PDE4D: variants seen among roughly 807,000 people sequenced by gnomAD.
The protein encoded by PDE4D is 3',5'-cyclic-AMP phosphodiesterase 4D.
PDE4D carries 24 observed loss-of-function variants against 87.4 expected under a neutral mutation model. That is an observed-to-expected ratio of 0.27 (90% confidence interval 0.20 to 0.39). The LOEUF (loss-of-function observed/expected upper bound fraction) is 0.39, where lower values mean the gene tolerates loss of function less well. Ranked by LOEUF, PDE4D falls within the 10% of genes least tolerant of loss-of-function variation. The pLI, the probability that PDE4D is intolerant of heterozygous loss-of-function variation, is 1.00. For missense variants in PDE4D, 714 were observed against 1,041.0 expected, an observed-to-expected ratio of 0.69 and a Z score of 4.32; for synonymous variants, 384 against 383.2, an observed-to-expected ratio of 1.00 and a Z score of -0.02.
At chr5:59,579,994 G>C (rs1361834464) in intron 1 of PDE4D, among the ~76,000 whole-genome samples, 1 of 152,156 alleles carries the variant, frequency 6.6e-6, no homozygotes, top group Non-Finnish European at 1.5e-5. Context: ...ACATTAAAAG[G>C]AAGAGTTTCT....
At chr5:59,259,953 A>C (rs549629166) in intron 1 of PDE4D, among the ~76,000 whole-genome samples, 1 of 151,978 alleles carries the variant, frequency 6.6e-6, no homozygotes, top group East Asian at 1.9e-4. Context: ...TTATGACCAA[A>C]CAAGTTTCCA....
At chr5:60,469,312 C>G (rs1747640363) in intron 1 of PDE4D, among the ~76,000 whole-genome samples, 1 of 152,152 alleles carries the variant, frequency 6.6e-6, no homozygotes, top group Non-Finnish European at 1.5e-5. Flanking sequence ...TCTCCTACCT[C>G]TCTGACTGCT....
intron 3 of PDE4D, among the ~76,000 whole-genome samples, chr5:59,957,079 A>G (rs942586337): frequency 6.6e-5 from 10 of 152,312 alleles, no homozygotes; most frequent in Non-Finnish European, 1.5e-4. Flanking sequence ...TTCTTTTGCT[A>G]AAAATAACAA....
Position 59,734,410 on chromosome 5 carries a change from C to A in PDE4D, c.455+158758G>T, listed in dbSNP as rs78519504. On this transcript the variant is annotated intron_variant, in intron 1 of 14. Coordinates refer to ENST00000340635, the MANE Select transcript of PDE4D (RefSeq NM_001104631.2). Reference sequence around the variant, plus strand: ...TTATTCTATTTGTCCTAAGAATTTACAATAGAATGAAGTTCCTTCAAGTAA... The same window carrying A: ...TTATTCTATTTGTCCTAAGAATTTAAAATAGAATGAAGTTCCTTCAAGTAA... Among the ~76,000 whole-genome samples the A allele has an allele frequency of 4.8e-4, 73 of 152,210 alleles. 2 individuals carry two copies. The East Asian group carries it at 6.4e-3, about 13-fold the overall frequency.
intron 1 of PDE4D, among the ~76,000 whole-genome samples, chr5:59,540,981 C>A (rs1400556135): frequency 2.0e-5 from 3 of 152,024 alleles, no homozygotes; most frequent in African/African-American, 7.2e-5. Context: ...GAAAGAAGAC[C>A]TTAGGAAGGT....
intron 1 of PDE4D, among the ~76,000 whole-genome samples, chr5:59,843,921 G>A (rs557659576): frequency 3.7e-4 from 56 of 152,168 alleles, no homozygotes; most frequent in Non-Finnish European, 5.7e-4. Context: ...TTGAGGTAGA[G>A]GGAGGTTAAT....
chr5:59,095,393 T>C (rs1457750050), intron 5 of PDE4D, among the ~76,000 whole-genome samples: 1 of 151,922 alleles, frequency 6.6e-6, no homozygotes, highest in Non-Finnish European at 1.5e-5. Flanking sequence ...GGTATTATAG[T>C]ATTCTTTTAC....
chr5:60,137,118 T>C (rs1332484594), intron 2 of PDE4D, among the ~76,000 whole-genome samples: 5 of 152,220 alleles, frequency 3.3e-5, no homozygotes, highest in African/African-American at 2.4e-5. Context: ...GCCCTATCTA[T>C]GTTCCCACAA....
At chr5:60,377,167 A>T (rs540171015) in intron 1 of PDE4D, among the ~76,000 whole-genome samples, 6 of 152,304 alleles carry the variant, frequency 3.9e-5, no homozygotes, top group African/African-American at 7.2e-5. Context: ...CTCACAATAC[A>T]GTTTATTGTC....
intron 1 of PDE4D, among the ~76,000 whole-genome samples, chr5:60,369,537 C>G (rs895367526): frequency 6.6e-6 from 1 of 152,058 alleles, no homozygotes; most frequent in African/African-American, 2.4e-5. Flanking sequence ...CAGAGAGAGG[C>G]GGGATGCAGA....
chr5:59,671,943 T>C (rs1234052548), intron 1 of PDE4D, among the ~76,000 whole-genome samples: 2 of 152,214 alleles, frequency 1.3e-5, no homozygotes, highest in Non-Finnish European at 1.5e-5. Context: ...GATTAAAATC[T>C]TCATTTTCTA....
At chr5:60,025,575 T>G (rs906321781) in intron 2 of PDE4D, among the ~76,000 whole-genome samples, 1 of 152,120 alleles carries the variant, frequency 6.6e-6, no homozygotes, top group Admixed American at 6.5e-5. Flanking sequence ...ATATACCATA[T>G]TTTTAATATT....
chr5:59,558,488 A>G (rs1365596371), intron 1 of PDE4D: 1 of 152,214 alleles, frequency 6.6e-6, no homozygotes, highest in African/African-American at 2.4e-5. Flanking sequence ...TTCTATATAT[A>G]AGACTATTCC....
At chr5:59,269,312 G>C (rs192624575) in intron 1 of PDE4D, among the ~76,000 whole-genome samples, 4 of 152,224 alleles carry the variant, frequency 2.6e-5, no homozygotes, top group African/African-American at 9.6e-5. Flanking sequence ...ACAGTGTTTA[G>C]TGCATGATTT....
intron 1 of PDE4D, among the ~76,000 whole-genome samples, chr5:59,566,722 G>T (rs1226734979): frequency 6.6e-6 from 1 of 152,070 alleles, no homozygotes; most frequent in Non-Finnish European, 1.5e-5. Context: ...GTTTGGCTAT[G>T]GGGGGATGAG....
At chr5:60,033,742 T>C (rs962141497) in intron 2 of PDE4D, among the ~76,000 whole-genome samples, 1 of 152,160 alleles carries the variant, frequency 6.6e-6, no homozygotes, top group Non-Finnish European at 1.5e-5. Flanking sequence ...TTTCACACCA[T>C]CTGGATGAAT....
At chr5:59,388,347 G>A (rs919630020) in intron 1 of PDE4D, among the ~76,000 whole-genome samples, 6 of 151,946 alleles carry the variant, frequency 3.9e-5, no homozygotes, top group African/African-American at 1.2e-4. Flanking sequence ...GATGAAAGAT[G>A]GCAAGGATGT....
chr5:59,296,559 C>G (rs543378908), intron 1 of PDE4D, among the ~76,000 whole-genome samples: 1 of 152,248 alleles, frequency 6.6e-6, no homozygotes, highest in East Asian at 1.9e-4. Context: ...CCACTGGGTA[C>G]TTCATCTATA....
At chr5:59,196,670 T>C (rs1266196438) in intron 2 of PDE4D, among the ~76,000 whole-genome samples, 2 of 152,180 alleles carry the variant, frequency 1.3e-5, no homozygotes, top group East Asian at 1.9e-4. Flanking sequence ...TAGAGTTCAT[T>C]TGAAGCCAAA....
Sources: allele counts gnomAD v4.1 joint callset (sites outside exome capture counted in the v4.1 genomes callset), GRCh38; gene constraint gnomAD v4.1.1; transcripts MANE v1.5; gene names NCBI Gene and HGNC (gene_info 2026-07-23, HGNC 2026-07-21).